Variants in ACTR10 observed in about 807,000 individuals in gnomAD.
The protein encoded by ACTR10 is actin-related protein 10.
A neutral mutation model predicts 56.2 loss-of-function variants in ACTR10; 43 were observed. The ratio of observed to expected loss-of-function variants is 0.77; its 90% CI spans 0.60 to 0.99. ACTR10 has a LOEUF of 0.99. Among genes scored for constraint, ACTR10 ranks in the 50% least tolerant of loss-of-function variants. ACTR10 has a pLI of 0.00. For synonymous variants in ACTR10, 170 were observed against 176.3 expected, an observed-to-expected ratio of 0.96 and a Z score of 0.28; for missense variants, 466 against 507.8, an observed-to-expected ratio of 0.92 and a Z score of 0.79.
Position 58,209,085 on chromosome 14 carries a change from G to A in ACTR10, c.320G>A (p.Arg107His), listed in dbSNP as rs761124038. ...CPSHFRETLTRVLFKYFEVPS... is the reference protein window; with the variant it reads ...CPSHFRETLTHVLFKYFEVPS... The stretch of plus-strand genomic sequence containing the variant: ...TCTCACTTCAGAGAGACACTCACTC[G>A]TGTTCTTTTCAAATATTTTGAGGTA... Residue 107 changes from arginine (R) to histidine (H), a missense_variant, in exon 4 of 13, where the codon CGT (arginine) becomes CAT (histidine). By Grantham distance (29) the Arg-to-His change is conservative. Coordinates refer to ENST00000254286, the MANE Select transcript of ACTR10 (RefSeq NM_018477.3). 53 of 1,592,162 alleles carry A rather than the reference G, an allele frequency of 3.3e-5. No individual in the cohort carries two copies. The East Asian group carries it at 5.3e-4, about 16-fold the overall frequency.
At chr14:58,207,804 A>C in intron 2 of ACTR10, 132 bp from the exon 3 acceptor site, 1 of 468,858 alleles carries the variant, frequency 2.1e-6, no homozygotes, top group South Asian at 5.6e-5. Context: ...CTCTGTATTT[A>C]ATTTTTATAT....
rs752703210 is a variant in ACTR10, at chr14:58,208,005, A to T, written c.220A>T (p.Ile74Leu). The change falls in exon 3 of 13, where the codon ATA becomes TTA. Residue 74 changes from isoleucine to leucine, a missense_variant. Transcript: ENST00000254286. ...LYSYLKEFIH[I>L]LYFRHLLVNP... ...TTCCTACCTAAAGGAATTCATCCAC[A>T]TACTATATTTCAGGTAAGATACATT... The T allele has an allele frequency of 6.6e-7, 1 of 1,510,216 alleles. No individual in the cohort carries two copies. The highest frequency in any genetic ancestry group is 1.3e-5 in the South Asian group (1 of 75,932). 93.6% of individuals were successfully genotyped at this position (1,510,216 alleles called of 1,614,324 possible). A position where few individuals can be genotyped will look rare whatever the true frequency, so the allele number is the denominator to read the frequency against.
At chr14:58,233,489 CA>C (rs1293693608) in intron 12 of ACTR10, among the ~76,000 whole-genome samples, 1 of 152,140 alleles carries the variant, frequency 6.6e-6, no homozygotes, top group African/African-American at 2.4e-5. Flanking sequence ...GAAAAAGATA[CA>C]TCATGAATGT....
chr14:58,206,369 G>T (rs1421718760), intron 2 of ACTR10, among the ~76,000 whole-genome samples: 1 of 151,314 alleles, frequency 6.6e-6, no homozygotes, highest in African/African-American at 2.4e-5. Context: ...TTTTAGTAGA[G>T]ACGGGGTTTC....
chr14:58,228,681 CTTTT>C (rs35498207), intron 10 of ACTR10, among the ~76,000 whole-genome samples: 176 of 40,702 alleles, frequency 4.3e-3, no homozygotes, highest in Non-Finnish European at 4.9e-3. Context: ...GCAAGACAGA[CTTTT>C]TTTTTTTTTT....
chr14:58,224,943 C>T (rs1382470501), intron 10 of ACTR10, among the ~76,000 whole-genome samples: 2 of 151,240 alleles, frequency 1.3e-5, no homozygotes, highest in African/African-American at 2.4e-5. Context: ...GAGCCGACAT[C>T]GCACCATTGC....
rs1319632037 is a variant in ACTR10 at position 58,234,826 on chromosome 14, T to G, written c.*275T>G. Reference sequence around the variant, plus strand: ...GGAAGTTTGTTATGTGGCTTTTTTTTTTTTTTTTTTTTTGAGACGGAGTCT... The same window carrying G: ...GGAAGTTTGTTATGTGGCTTTTTTTGTTTTTTTTTTTTTGAGACGGAGTCT... On this transcript the variant is annotated 3_prime_UTR_variant, in exon 13 of 13. Coordinates refer to ENST00000254286, the MANE Select transcript of ACTR10 (RefSeq NM_018477.3). 1 of 219,194 alleles carries G rather than the reference T, an allele frequency of 4.6e-6. No individual in the cohort carries two copies. The highest frequency in any genetic ancestry group is 2.4e-5 in the African/African-American group (1 of 42,144). The allele number at this position is 219,194 out of a possible 1,614,324, so 13.6% of individuals were successfully genotyped here.
intron 10 of ACTR10, among the ~76,000 whole-genome samples, chr14:58,226,589 GTTTT>G (rs1167492757): frequency 6.6e-6 from 1 of 151,756 alleles, no homozygotes; most frequent in Non-Finnish European, 1.5e-5. Flanking sequence ...TTTTTTGTGT[GTTTT>G]TTGTTTTGTT....
chr14:58,228,654 C>G (rs1326137726), intron 10 of ACTR10, among the ~76,000 whole-genome samples: 1 of 117,692 alleles, frequency 8.5e-6, no homozygotes, highest in Admixed American at 1.1e-4. Flanking sequence ...TTGACTGGTA[C>G]TTAACTACAT....
intron 6 of ACTR10, among the ~76,000 whole-genome samples, chr14:58,214,526 T>C (rs1332655742): frequency 6.6e-6 from 1 of 151,880 alleles, no homozygotes; most frequent in African/African-American, 2.4e-5. Context: ...AGTCTCGCTC[T>C]GTCACCCAGG....
Position 58,225,564 on chromosome 14 carries a change from A to G in ACTR10, c.788+1708A>G, listed in dbSNP as rs542566299. On this transcript the variant is annotated intron_variant, in intron 10 of 12. Transcript: ENST00000254286. ...AAGAATGTAGTACTTTTTGCTAGCT[A>G]TTTTTATATCATTTTAATCTCTTAT... 7.4e-4 allele frequency among the ~76,000 whole-genome samples: 112 copies of G among 152,246 alleles called. 3 individuals carry two copies. The highest frequency in any genetic ancestry group is 6.8e-3 in the Middle Eastern group (2 of 294).
chr14:58,221,246 G>A (rs1006623504), intron 8 of ACTR10, among the ~76,000 whole-genome samples: 14 of 145,768 alleles, frequency 9.6e-5, no homozygotes, highest in Admixed American at 2.9e-4. Context: ...TCGCGCCACT[G>A]CACTCCAGCC....
chr14:58,208,100 G>T, intron 3 of ACTR10, 82 bp downstream of exon 3: 2 of 1,277,736 alleles, frequency 1.6e-6, no homozygotes, highest in East Asian at 3.5e-5. Flanking sequence ...TGTTACAGCT[G>T]AGGCCAAAAA....
At chr14:58,209,351 A>G (rs929413937) in intron 4 of ACTR10, 2 of 235,384 alleles carry the variant, frequency 8.5e-6, no homozygotes, top group African/African-American at 4.5e-5. Flanking sequence ...TGGTTATTTC[A>G]TGCTTTAGCA....
chr14:58,216,658 C>T (rs1889142252), intron 7 of ACTR10, among the ~76,000 whole-genome samples: 1 of 152,088 alleles, frequency 6.6e-6, no homozygotes, highest in Non-Finnish European at 1.5e-5. Flanking sequence ...CAGCCCTGTG[C>T]CTTCATTTAT....
rs1889624221 is a variant in ACTR10 at position 58,234,453 on chromosome 14, G to A, written c.1156G>A (p.Asp386Asn). 8 of 1,613,494 alleles carry A rather than the reference G, an allele frequency of 5.0e-6. No individual in the cohort carries two copies. Among genetic ancestry groups the A allele is most frequent in the African/African-American group, 1.3e-5 (1 of 74,916 alleles). The change falls in exon 13 of 13, where the codon GAT becomes AAT. Residue 386 changes from aspartate to asparagine, a missense_variant. Coordinates refer to ENST00000254286, the MANE Select transcript of ACTR10 (RefSeq NM_018477.3). ...TTATAATCAGACGGGCCGTATACCTGATTGGTGTTCTCTCAATAACCCACC... is the reference window on the plus strand; with the variant it reads ...TTATAATCAGACGGGCCGTATACCTAATTGGTGTTCTCTCAATAACCCACC... ...EYYNQTGRIP[D>N]WCSLNNPPLE...
intron 8 of ACTR10, among the ~76,000 whole-genome samples, chr14:58,222,742 G>A (rs2140057794): frequency 6.8e-6 from 1 of 147,222 alleles, no homozygotes; most frequent in South Asian, 2.2e-4. Flanking sequence ...TCCAGTCTGG[G>A]CAATAGAGTG....
chr14:58,227,702 T>C (rs1012381153), intron 10 of ACTR10, among the ~76,000 whole-genome samples: 1 of 152,196 alleles, frequency 6.6e-6, no homozygotes, highest in Non-Finnish European at 1.5e-5. Flanking sequence ...TAGTATACTT[T>C]AGTGGTGAAG....
intron 8 of ACTR10, among the ~76,000 whole-genome samples, chr14:58,221,447 A>C (rs997955019): frequency 6.6e-6 from 1 of 151,866 alleles, no homozygotes; most frequent in African/African-American, 2.4e-5. Context: ...ACAAAAATTA[A>C]CCAGGTGTGG....
Sources: allele counts gnomAD v4.1 joint callset (sites outside exome capture counted in the v4.1 genomes callset), GRCh38; gene constraint gnomAD v4.1.1; transcripts MANE v1.5; gene names NCBI Gene and HGNC (gene_info 2026-07-23, HGNC 2026-07-21).